SERPINA3: variants seen among roughly 807,000 people sequenced by gnomAD.
SERPINA3 encodes alpha-1-antichymotrypsin.
SERPINA3 carries 32 observed loss-of-function variants against 26.8 expected under a neutral mutation model. That is an observed-to-expected ratio of 1.20 (90% confidence interval 0.90 to 1.61). The LOEUF is 1.61. Ranked by LOEUF, SERPINA3 falls within the 40% of genes most tolerant of loss-of-function variation. The probability of loss-of-function intolerance (pLI) is 0.00; values close to 1 mark genes in which losing one functional copy is unlikely to be tolerated. For missense variants in SERPINA3, 632 were observed against 517.9 expected (o/e 1.22, Z -2.14); for synonymous variants, 252 against 206.4 (o/e 1.22, Z -1.89).
intron 2 of SERPINA3, 72 bp downstream of exon 2, chr14:94,615,156 G>A: frequency 1.3e-6 from 2 of 1,545,016 alleles, no homozygotes; most frequent in Non-Finnish European, 1.8e-6. Context: ...CAACAATGGT[G>A]TTATTAGGCA....
chr14:94,622,609 T>C, intron 4 of SERPINA3, 118 bp downstream of exon 4: 2 of 1,130,012 alleles, frequency 1.8e-6, no homozygotes, highest in Admixed American at 4.0e-5. Flanking sequence ...TCTCATTATA[T>C]ACTCACCCTG....
Position 94,619,508 on chromosome 14 carries a change from C to A in SERPINA3, c.917+40C>A, listed in dbSNP as rs73346576. 7.6e-5 allele frequency: 123 copies of A among 1,612,176 alleles called. No individual in the cohort carries two copies. The East Asian group carries it at 2.5e-3, about 32-fold the overall frequency. On this transcript the variant is annotated intron_variant, in intron 3 of 4. Transcript: ENST00000393078. ...CCCCCAAAGACCCCACATCTCTCCACGTCAAGGTCTCACCAATGTCCAGGG... is the reference window on the plus strand; with the variant it reads ...CCCCCAAAGACCCCACATCTCTCCAAGTCAAGGTCTCACCAATGTCCAGGG...
At position 94,623,702 on chromosome 14, in the gene SERPINA3, T is replaced by A. The variant is rs1886291017; in HGVS notation, c.1160T>A (p.Val387Glu). The A allele has an allele frequency of 1.2e-6, 2 of 1,614,150 alleles. No homozygotes were observed. The highest frequency in any genetic ancestry group is 8.5e-7 in the Non-Finnish European group (1 of 1,179,982). Residue 387 changes from valine (V) to glutamate (E), a missense_variant, in exon 5 of 5, where the codon GTG (valine) becomes GAG (glutamate). Transcript: ENST00000393078. ...AVKITLLSAL[V>E]ETRTIVRFNR... ...AAAATCACCCTCCTTTCTGCATTAG[T>A]GGAGACAAGGACCATTGTGCGTTTC...
At chr14:94,618,594 G>A (rs1175390814) in intron 2 of SERPINA3, 1 of 173,152 alleles carries the variant, frequency 5.8e-6, no homozygotes, top group African/African-American at 2.4e-5. Flanking sequence ...TGTCACAAGT[G>A]TCCCTAGGCT....
chr14:94,622,195 G>T, intron 3 of SERPINA3, 146 bp from the exon 4 acceptor site: 1 of 760,638 alleles, frequency 1.3e-6, no homozygotes, highest in Non-Finnish European at 2.3e-6. Flanking sequence ...AAAGACAGGG[G>T]TTAAGAAATT....
intron 4 of SERPINA3, 42 bp from the exon 5 acceptor site, chr14:94,623,569 G>A (rs748433962): frequency 1.6e-5 from 26 of 1,581,106 alleles, no homozygotes; most frequent in African/African-American, 4.0e-5. Flanking sequence ...GAACTCCTGC[G>A]CATCTGTGTT....
chr14:94,615,174 G>A, intron 2 of SERPINA3, 90 bp downstream of exon 2: 1 of 1,400,652 alleles, frequency 7.1e-7, no homozygotes, highest in Non-Finnish European at 1.0e-6. Context: ...GCAAACCACT[G>A]TAGAGGAGAG....
intron 4 of SERPINA3, 160 bp from the exon 5 acceptor site, chr14:94,623,451 T>C (rs1886279679): frequency 1.4e-6 from 1 of 726,050 alleles, no homozygotes. Flanking sequence ...TGTGCAAAAC[T>C]AGTTGGCAGG....
intron 3 of SERPINA3, among the ~76,000 whole-genome samples, chr14:94,620,503 C>T (rs1886161003): frequency 6.6e-6 from 1 of 152,174 alleles, no homozygotes; most frequent in Non-Finnish European, 1.5e-5. Context: ...GCCCTTCCTC[C>T]TGTGTGTGAA....
intron 3 of SERPINA3, chr14:94,619,743 T>A (rs78687138): frequency 0.13 from 65,633 of 506,616 alleles, 5,164 homozygotes; most frequent in Non-Finnish European, 0.17. Context: ...CACTCATGCA[T>A]GGTTTCTCCT....
intron 2 of SERPINA3, among the ~76,000 whole-genome samples, chr14:94,616,871 G>T (rs1161568518): frequency 6.6e-6 from 1 of 152,070 alleles, no homozygotes; most frequent in East Asian, 1.9e-4. Context: ...AGATGTTAAG[G>T]AGGCAAAATT....
chr14:94,622,262 G>A (rs1024111454), intron 3 of SERPINA3, 79 bp from the exon 4 acceptor site: 2 of 1,369,122 alleles, frequency 1.5e-6, no homozygotes, highest in African/African-American at 2.9e-5. Flanking sequence ...GGAAACCAGG[G>A]AAGACCATGC....
chr14:94,612,496 A>G (rs1885817949), intron 1 of SERPINA3, 49 bp downstream of exon 1: 3 of 1,228,186 alleles, frequency 2.4e-6, no homozygotes, highest in Non-Finnish European at 3.3e-6. Flanking sequence ...CTGTTTTTCC[A>G]GGAGAGTTTT....
chr14:94,620,788 G>T (rs1476380403), intron 3 of SERPINA3, among the ~76,000 whole-genome samples: 41 of 152,170 alleles, frequency 2.7e-4, no homozygotes, highest in Admixed American at 2.7e-3. Context: ...TGGGGACACA[G>T]TGAGGAGGAG....
intron 4 of SERPINA3, among the ~76,000 whole-genome samples, chr14:94,623,145 C>T (rs1364117285): frequency 1.3e-5 from 2 of 152,160 alleles, no homozygotes; most frequent in African/African-American, 2.4e-5. Context: ...TACTTGAAAG[C>T]CCCAAGGATG....
intron 2 of SERPINA3, among the ~76,000 whole-genome samples, chr14:94,617,396 G>A (rs1421205732): frequency 6.6e-6 from 1 of 152,126 alleles, no homozygotes; most frequent in African/African-American, 2.4e-5. Flanking sequence ...GTGTCAAGAA[G>A]GAAGATGAGG....
chr14:94,612,541 T>C, intron 1 of SERPINA3, 94 bp downstream of exon 1: 1 of 689,528 alleles, frequency 1.5e-6, no homozygotes, highest in Non-Finnish European at 2.3e-6. Context: ...GTGTGAGGGG[T>C]AAGCAGAGGC....
chr14:94,619,333 G>T lies in SERPINA3; in HGVS notation c.782G>T (p.Cys261Phe), dbSNP rs377578870. 2 of 1,614,202 alleles carry T rather than the reference G, an allele frequency of 1.2e-6. No individual in the cohort carries two copies. The highest frequency in any genetic ancestry group is 2.2e-5 in the South Asian group (2 of 91,084). Residue 261 changes from cysteine to phenylalanine, a missense_variant, in exon 3 of 5, where the codon TGC (cysteine) becomes TTC (phenylalanine). Transcript: ENST00000393078. The part of the protein sequence containing the change: ...IPYFRDEELS[C>F]TVVELKYTGN... ...TACTTCCGGGACGAGGAGCTGTCCTGCACCGTGGTGGAGCTGAAGTACACA... is the reference window on the plus strand; with the variant it reads ...TACTTCCGGGACGAGGAGCTGTCCTTCACCGTGGTGGAGCTGAAGTACACA...
chr14:94,619,046 A>C, intron 2 of SERPINA3, 149 bp from the exon 3 acceptor site: 1 of 857,750 alleles, frequency 1.2e-6, no homozygotes, highest in Non-Finnish European at 2.0e-6. Flanking sequence ...CTCACCCCCA[A>C]TAACTTTTAC....
Sources: gnomAD v4.1 joint callset for allele counts (sites outside exome capture counted in the v4.1 genomes callset) on GRCh38, gnomAD v4.1.1 for gene constraint, MANE v1.5 for transcripts, NCBI Gene and HGNC (gene_info 2026-07-23, HGNC 2026-07-21) for gene names.